FGF12: variants seen among roughly 807,000 people sequenced by gnomAD.
FGF12 encodes the protein fibroblast growth factor 12, also known as fibroblast growth factor 12B.
In FGF12, 14 loss-of-function variants were observed where a neutral mutation model predicts 23.6. The observed-to-expected ratio is 0.59, with a 90% CI of 0.39 to 0.93. The LOEUF is 0.93. Among genes scored for constraint, FGF12 ranks in the 40% least tolerant of loss-of-function variants. The pLI is 0.00. For missense variants in FGF12, 175 were observed against 217.8 expected (o/e 0.80, Z 1.24); for synonymous variants, 62 against 77.3 (o/e 0.80, Z 1.04).
intron 2 of FGF12, among the ~76,000 whole-genome samples, chr3:192,606,699 G>T (rs777861288): frequency 6.6e-6 from 1 of 152,046 alleles, no homozygotes; most frequent in Non-Finnish European, 1.5e-5. Context: ...AAGAAACAAG[G>T]CTTAAGGGGT....
rs566690792 is a variant in FGF12 at position 192,141,960 on chromosome 3, G to C, written c.*2049C>G. ...TTTTTTGGTTCTGGTAGTGACAGGT[G>C]TATTTATAATCAAGTTGAATCAAGA... is the stretch of plus-strand genomic sequence containing the variant. On this transcript the variant is annotated 3_prime_UTR_variant, in exon 6 of 6. Coordinates refer to ENST00000445105, the MANE Select transcript of FGF12 (RefSeq NM_004113.6). 1.3e-5 allele frequency: 2 copies of C among 151,672 alleles called. No homozygotes were observed. The highest frequency in any genetic ancestry group is 4.9e-5 in the African/African-American group (2 of 41,196). 9.4% of individuals were successfully genotyped at this position (151,672 alleles called of 1,614,324 possible). A position where few individuals can be genotyped will look rare whatever the true frequency, so the allele number is the denominator to read the frequency against.
intron 2 of FGF12, among the ~76,000 whole-genome samples, chr3:192,434,669 C>T (rs1388743852): frequency 6.6e-6 from 1 of 152,052 alleles, no homozygotes; most frequent in Admixed American, 6.6e-5. Context: ...CAGTTAGAGT[C>T]TTTAGGAATA....
chr3:192,578,587 C>T (rs1713009029), intron 2 of FGF12, among the ~76,000 whole-genome samples: 1 of 152,118 alleles, frequency 6.6e-6, no homozygotes, highest in Non-Finnish European at 1.5e-5. Flanking sequence ...ATTTTTGTCC[C>T]ACCTAACCTC....
At chr3:192,385,451 G>A (rs1303470847) in intron 2 of FGF12, among the ~76,000 whole-genome samples, 1 of 151,898 alleles carries the variant, frequency 6.6e-6, no homozygotes, top group African/African-American at 2.4e-5. Context: ...GTCAAATATT[G>A]GATATTTAGT....
intron 2 of FGF12, among the ~76,000 whole-genome samples, chr3:192,614,499 T>C (rs1178581738): frequency 6.6e-6 from 1 of 151,974 alleles, no homozygotes; most frequent in South Asian, 2.1e-4. Context: ...ACTATTTCAT[T>C]CAAGTTAATT....
At chr3:192,296,222 T>C (rs1051206794) in intron 4 of FGF12, among the ~76,000 whole-genome samples, 2 of 150,192 alleles carry the variant, frequency 1.3e-5, no homozygotes, top group East Asian at 3.9e-4. Flanking sequence ...GTTTTCATTT[T>C]ATTTTATTTT....
At position 192,354,888 on chromosome 3, in the gene FGF12, T is replaced by C. The variant is rs545996690; in HGVS notation, c.124+5540A>G. On this transcript the variant is annotated intron_variant, in intron 3 of 5. Coordinates refer to ENST00000445105, the MANE Select transcript of FGF12 (RefSeq NM_004113.6). ...GCCTGGCTAATTTTTCTTGTATTTT[T>C]AGTAGAGACGGGTTTTCACCATGCT... is the stretch of plus-strand genomic sequence containing the variant. Among the ~76,000 whole-genome samples the C allele has an allele frequency of 1.5e-4, 23 of 152,310 alleles. No individual in the cohort carries two copies. In the South Asian group the frequency reaches 2.1e-3, roughly 14 times the overall value.
intron 2 of FGF12, among the ~76,000 whole-genome samples, chr3:192,622,550 C>T (rs181653609): frequency 2.6e-4 from 40 of 152,138 alleles, no homozygotes; most frequent in African/African-American, 9.2e-4. Context: ...TCAAGTTTAC[C>T]CCAGTCTTGG....
chr3:192,401,483 T>C (rs2108770931), intron 2 of FGF12, among the ~76,000 whole-genome samples: 1 of 152,340 alleles, frequency 6.6e-6, no homozygotes, highest in Non-Finnish European at 1.5e-5. Flanking sequence ...CTGGATCCAC[T>C]AAAAGATTTT....
At chr3:192,369,921 G>A (rs1719148379) in intron 2 of FGF12, among the ~76,000 whole-genome samples, 1 of 152,202 alleles carries the variant, frequency 6.6e-6, no homozygotes, top group Non-Finnish European at 1.5e-5. Context: ...CAGGTTCTGG[G>A]ACAAGAAACA....
chr3:192,497,047 C>G (rs1041934815), intron 2 of FGF12, among the ~76,000 whole-genome samples: 2 of 152,192 alleles, frequency 1.3e-5, no homozygotes, highest in East Asian at 3.8e-4. Context: ...CAGCCCGAGT[C>G]TCTCCTAAAT....
chr3:192,150,990 C>T (rs948646147), intron 5 of FGF12, among the ~76,000 whole-genome samples: 6 of 146,632 alleles, frequency 4.1e-5, no homozygotes, highest in African/African-American at 1.5e-4. Context: ...CTTTTATTTC[C>T]TTGAGCAGTG....
intron 2 of FGF12, among the ~76,000 whole-genome samples, chr3:192,619,271 G>C (rs955697047): frequency 6.6e-5 from 10 of 152,186 alleles, no homozygotes; most frequent in Non-Finnish European, 1.0e-4. Context: ...TACAGAACAG[G>C]TGATGTTTGA....
At chr3:192,556,568 A>T (rs1711783997) in intron 2 of FGF12, among the ~76,000 whole-genome samples, 1 of 152,176 alleles carries the variant, frequency 6.6e-6, no homozygotes, top group South Asian at 2.1e-4. Context: ...TAGTACAATG[A>T]TAATAGGAGA....
At chr3:192,385,219 A>C (rs1298161869) in intron 2 of FGF12, among the ~76,000 whole-genome samples, 2 of 152,076 alleles carry the variant, frequency 1.3e-5, no homozygotes, top group African/African-American at 4.8e-5. Context: ...ATTTATTTAT[A>C]TATAAAAATA....
chr3:192,254,459 T>C (rs113642699), intron 4 of FGF12, among the ~76,000 whole-genome samples: 45 of 152,088 alleles, frequency 3.0e-4, no homozygotes, highest in African/African-American at 1.1e-3. Flanking sequence ...ATAAATAAAA[T>C]ATGTATTCAA....
At chr3:192,318,616 G>C (rs1009687139) in intron 4 of FGF12, among the ~76,000 whole-genome samples, 1 of 152,020 alleles carries the variant, frequency 6.6e-6, no homozygotes, top group African/African-American at 2.4e-5. Context: ...ACAAATCTAA[G>C]AGTTGTTGGC....
chr3:192,647,696 T>TAC (rs1716057843), intron 2 of FGF12, among the ~76,000 whole-genome samples: 6 of 147,546 alleles, frequency 4.1e-5, no homozygotes, highest in Middle Eastern at 3.6e-3. Flanking sequence ...TATATATGTA[T>TAC]ATATGTGTAT....
intron 4 of FGF12, among the ~76,000 whole-genome samples, chr3:192,243,081 C>CT (rs1261385720): frequency 6.6e-6 from 1 of 151,974 alleles, no homozygotes; most frequent in East Asian, 1.9e-4. Flanking sequence ...TATTTAGAGA[C>CT]TATCAAAATA....
Sources: gnomAD v4.1 joint callset for allele counts (sites outside exome capture counted in the v4.1 genomes callset) on GRCh38, gnomAD v4.1.1 for gene constraint, MANE v1.5 for transcripts, NCBI Gene and HGNC (gene_info 2026-07-23, HGNC 2026-07-21) for gene names.